CEP63: variants seen among roughly 807,000 people sequenced by gnomAD.
The protein encoded by CEP63 is centrosomal protein 63.
A neutral mutation model predicts 89.1 loss-of-function variants in CEP63; 84 were observed. The ratio of observed to expected loss-of-function variants is 0.94; its 90% CI spans 0.79 to 1.13. The LOEUF is 1.13. CEP63 is among the 50% of genes most tolerant of loss of function. The pLI, the probability that CEP63 is intolerant of heterozygous loss-of-function variation, is 0.00. For synonymous variants in CEP63, 267 were observed against 272.5 expected (o/e 0.98, Z 0.20); for missense variants, 838 against 813.3 (o/e 1.03, Z -0.37).
rs1330835508 is a variant in CEP63 at position 134,562,372 on chromosome 3, C to T, written c.*837C>T. 4 of 231,046 alleles carry T rather than the reference C, an allele frequency of 1.7e-5. No homozygotes were observed. Among genetic ancestry groups the T allele is most frequent in the Non-Finnish European group, 2.9e-5 (4 of 140,234 alleles). 14.3% of individuals were successfully genotyped at this position (231,046 alleles called of 1,614,324 possible). On this transcript the variant is annotated 3_prime_UTR_variant, in exon 15 of 15. Transcript: ENST00000675561. ...GAAAGATGCCAGCATCTGAGGATCA[C>T]AGGAAATAGATCTAGCAAAGGAACT...
intron 6 of CEP63, among the ~76,000 whole-genome samples, chr3:134,540,296 G>A (rs1236196730): frequency 2.0e-5 from 3 of 152,048 alleles, no homozygotes; most frequent in African/African-American, 4.8e-5. Context: ...CCCCCCTATC[G>A]TTAAATGTAT....
intron 10 of CEP63, among the ~76,000 whole-genome samples, chr3:134,582,283 A>G (rs1276780092): frequency 6.6e-6 from 1 of 152,060 alleles, no homozygotes; most frequent in Non-Finnish European, 1.5e-5. Context: ...GCACCCATCA[A>G]CTCATCATTT....
chr3:134,507,281 A>G lies in CEP63; in HGVS notation c.217A>G (p.Lys73Glu). ...TAGGAGTCAGTTGGATGTGACACAT[A>G]AGGAGGTAAAGCAATTTATTTGTTC... ...SLRSQLDVTH[K>E]EVGMLHQQVE... The change falls in exon 3 of 15, where the codon AAG (lysine) becomes GAG (glutamate). Residue 73 changes from lysine (K) to glutamate (E), a missense_variant. By Grantham distance (56) the Lys-to-Glu change is moderately conservative. Coordinates refer to ENST00000675561, the MANE Select transcript of CEP63 (RefSeq NM_001353108.3). 6.2e-7 allele frequency: 1 copy of G among 1,609,166 alleles called. No individual in the cohort carries two copies. Among genetic ancestry groups the G allele is most frequent in the Non-Finnish European group, 8.5e-7 (1 of 1,176,072 alleles).
chr3:134,738,249 T>TACACACACACACACACACAC, the CEP63 span, among the ~76,000 whole-genome samples: 25 of 145,674 alleles, frequency 1.7e-4, no homozygotes, highest in African/African-American at 6.1e-4. Context: ...TATTCCATCA[T>TACACACACACACACACACAC]ACACACACAC....
intron 6 of CEP63, among the ~76,000 whole-genome samples, chr3:134,538,773 T>G (rs1204942912): frequency 1.3e-5 from 2 of 151,468 alleles, no homozygotes; most frequent in African/African-American, 4.8e-5. Flanking sequence ...GCAAATTGAG[T>G]CTTAATTTTT....
At chr3:134,665,132 G>A in the CEP63 span, among the ~76,000 whole-genome samples, 1 of 152,212 alleles carries the variant, frequency 6.6e-6, no homozygotes, top group Non-Finnish European at 1.5e-5. Context: ...GGGCACTCCA[G>A]ACTGGCTTCT....
the CEP63 span, among the ~76,000 whole-genome samples, chr3:134,690,963 G>A: frequency 1.3e-5 from 2 of 152,042 alleles, no homozygotes; most frequent in African/African-American, 4.8e-5. Flanking sequence ...TGGTCAGGCT[G>A]GTCTCAAACT....
chr3:134,617,656 A>G, the CEP63 span, among the ~76,000 whole-genome samples: 2 of 152,194 alleles, frequency 1.3e-5, no homozygotes, highest in South Asian at 4.1e-4. Flanking sequence ...GGTATTTTTT[A>G]AATTTAAAAA....
the CEP63 span, among the ~76,000 whole-genome samples, chr3:134,661,488 C>G: frequency 2.0e-5 from 3 of 152,128 alleles, no homozygotes; most frequent in East Asian, 5.8e-4. Flanking sequence ...CACAGATGAA[C>G]GAATCTCTCT....
the CEP63 span, chr3:134,608,063 C>G: frequency 9.2e-7 from 1 of 1,085,982 alleles, no homozygotes; most frequent in Non-Finnish European, 1.1e-6. Flanking sequence ...AACTCTCTGT[C>G]TTGGGTGGGA....
At chr3:134,566,017 C>T (rs940640126), downstream of CEP63, among the ~76,000 whole-genome samples, 8 of 152,280 alleles carry the variant, frequency 5.3e-5, no homozygotes, top group African/African-American at 1.9e-4. Flanking sequence ...GTAAAGCTCT[C>T]ATGGCCTGAA....
At position 134,499,820 on chromosome 3, in the gene CEP63, C is replaced by CTTTTTTTTTT. The variant is rs747946881; in HGVS notation, c.44+4468_44+4477dup. 1.2e-4 allele frequency among the ~76,000 whole-genome samples: 12 copies of CTTTTTTTTTT among 99,124 alleles called. 1 individual carries two copies. The highest frequency in any genetic ancestry group is 5.4e-4 in the Admixed American group (4 of 7,432). 65.0% of individuals were successfully genotyped at this position (99,124 alleles called of 152,430 possible). ...CAGTGTCTGTTGTTCCCATCTTCAT[C>CTTTTTTTTTT]TTTTTTTTTTTTTTTTTTTTTGAGA... On this transcript the variant is annotated intron_variant, in intron 2 of 14. Coordinates refer to ENST00000675561, the MANE Select transcript of CEP63 (RefSeq NM_001353108.3).
At position 134,564,872 on chromosome 3, in the gene CEP63, G is replaced by A; in HGVS notation, c.*3337G>A. ...CCGGAAATACTTAAGGAATCATGAG[G>A]TACTATGTATTTCCTTAAATTATAC... On this transcript the variant is annotated 3_prime_UTR_variant, in exon 15 of 15. Coordinates refer to ENST00000675561, the MANE Select transcript of CEP63 (RefSeq NM_001353108.3). The A allele has an allele frequency of 2.0e-6, 2 of 985,200 alleles. No homozygotes were observed. Among genetic ancestry groups the A allele is most frequent in the Non-Finnish European group, 2.4e-6 (2 of 829,764 alleles). The allele number at this position is 985,200 out of a possible 1,614,324, so 61.0% of individuals were successfully genotyped here.
the CEP63 span, chr3:134,610,104 C>G: frequency 7.2e-7 from 1 of 1,393,990 alleles, no homozygotes; most frequent in Non-Finnish European, 9.9e-7. Flanking sequence ...TCCCCTCCCG[C>G]TTGGTCTTCT....
At chr3:134,495,434 A>T in intron 2 of CEP63, 70 bp downstream of exon 2, 1 of 922,386 alleles carries the variant, frequency 1.1e-6, no homozygotes, top group Non-Finnish European at 1.8e-6. Flanking sequence ...GGTTCACATG[A>T]TACTTTGATA....
chr3:134,698,818 T>A, the CEP63 span, among the ~76,000 whole-genome samples: 3 of 152,216 alleles, frequency 2.0e-5, no homozygotes, highest in Admixed American at 2.0e-4. Context: ...GAGCACTTCA[T>A]TCATCCATCG....
chr3:134,627,189 T>A, the CEP63 span, among the ~76,000 whole-genome samples: 1 of 152,220 alleles, frequency 6.6e-6, no homozygotes, highest in Non-Finnish European at 1.5e-5. Flanking sequence ...CTAAGTATGA[T>A]TCTACATAAA....
chr3:134,599,633 G>T, the CEP63 span, among the ~76,000 whole-genome samples: 4 of 152,120 alleles, frequency 2.6e-5, no homozygotes, highest in Non-Finnish European at 5.9e-5. Context: ...AATAAATTAG[G>T]ATTGACTTTA....
chr3:134,718,473 A>G, the CEP63 span, among the ~76,000 whole-genome samples: 1 of 152,164 alleles, frequency 6.6e-6, no homozygotes, highest in Non-Finnish European at 1.5e-5. Flanking sequence ...GCTTTAAATT[A>G]TTATAATTTT....
Sources: allele counts gnomAD v4.1 joint callset (sites outside exome capture counted in the v4.1 genomes callset), GRCh38; gene constraint gnomAD v4.1.1; transcripts MANE v1.5; gene names NCBI Gene and HGNC (gene_info 2026-07-23, HGNC 2026-07-21).